Variants in PDE10A observed in about 807,000 individuals in gnomAD.
PDE10A encodes cAMP and cAMP-inhibited cGMP 3',5'-cyclic phosphodiesterase 10A.
In PDE10A, 39 loss-of-function variants were observed where a neutral mutation model predicts 97.7. The ratio of observed to expected loss-of-function variants is 0.40; its 90% CI spans 0.31 to 0.52. The LOEUF is 0.52. Ranked by LOEUF, PDE10A falls within the 20% of genes least tolerant of loss-of-function variation. PDE10A has a pLI of 0.56. For synonymous variants in PDE10A, 371 were observed against 376.8 expected, an observed-to-expected ratio of 0.98 and a Z score of 0.18; for missense variants, 731 against 1,047.8, an observed-to-expected ratio of 0.70 and a Z score of 4.17.
At position 165,450,225 on chromosome 6, in the gene PDE10A, C is replaced by A; in HGVS notation, c.1144+17G>T. The A allele has an allele frequency of 6.6e-7, 1 of 1,517,694 alleles. No homozygotes were observed. Among genetic ancestry groups the A allele is most frequent in the Non-Finnish European group, 8.9e-7 (1 of 1,129,218 alleles). The allele number at this position is 1,517,694 out of a possible 1,614,324, so 94.0% of individuals were successfully genotyped here. A position where few individuals can be genotyped will look rare whatever the true frequency, so the allele number is the denominator to read the frequency against. On this transcript the variant is annotated intron_variant, in intron 4 of 21. Transcript: ENST00000539869. ...CTTTGCCCATTTTTTCTAACAGGAA[C>A]ACAAAATGCTTCTTACCTATTTTAA...
exon 1 of PDE10A, chr6:165,987,669 C>G (rs1332521156): frequency 6.6e-6 from 3 of 456,764 alleles, no homozygotes; most frequent in South Asian, 4.6e-5. Context: ...CCATGGAGAA[C>G]TGCGCAAAGC....
At chr6:165,521,923 A>G (rs139718633) in intron 2 of PDE10A, among the ~76,000 whole-genome samples, 212 of 152,288 alleles carry the variant, frequency 1.4e-3, no homozygotes, top group African/African-American at 4.9e-3. Flanking sequence ...GGATCATATA[A>G]TATTTGTCCA....
chr6:165,887,180 C>T (rs1055326599), intron 1 of PDE10A, among the ~76,000 whole-genome samples: 1 of 152,160 alleles, frequency 6.6e-6, no homozygotes. Context: ...CTTCTTCTCC[C>T]ACCATCAGGG....
At chr6:165,753,663 T>C (rs1793055740) in intron 1 of PDE10A, among the ~76,000 whole-genome samples, 1 of 152,232 alleles carries the variant, frequency 6.6e-6, no homozygotes, top group East Asian at 1.9e-4. Flanking sequence ...TAAATGACTT[T>C]CAATAATTTA....
chr6:165,361,631 A>T (rs1783430953), intron 18 of PDE10A, among the ~76,000 whole-genome samples: 1 of 152,200 alleles, frequency 6.6e-6, no homozygotes, highest in Admixed American at 6.5e-5. Context: ...GATACAAAGA[A>T]GGAAAGACAC....
chr6:165,972,305 G>A (rs1033578648), intron 1 of PDE10A, among the ~76,000 whole-genome samples: 2 of 152,010 alleles, frequency 1.3e-5, no homozygotes, highest in South Asian at 2.1e-4. Flanking sequence ...GGCCACCTGC[G>A]CAGGTGGACG....
intron 1 of PDE10A, among the ~76,000 whole-genome samples, chr6:165,823,815 G>T (rs368111867): frequency 6.6e-6 from 1 of 151,902 alleles, no homozygotes; most frequent in African/African-American, 2.4e-5. Context: ...GAGTTTTCCA[G>T]CTCCATAATC....
chr6:165,927,647 C>CATATATATATATATATATAT (rs71029572), intron 1 of PDE10A, among the ~76,000 whole-genome samples: 207 of 73,146 alleles, frequency 2.8e-3, no homozygotes, highest in South Asian at 5.7e-3. Flanking sequence ...ATGAGAATGA[C>CATATATATATATATATATAT]ATATATATAT....
At chr6:165,770,660 T>G (rs2128459776) in intron 1 of PDE10A, among the ~76,000 whole-genome samples, 1 of 152,224 alleles carries the variant, frequency 6.6e-6, no homozygotes, top group South Asian at 2.1e-4. Context: ...AACGCCTCCC[T>G]CCTCCCGGGA....
At chr6:165,603,468 TAGTGA>T (rs1787063546) in intron 1 of PDE10A, among the ~76,000 whole-genome samples, 1 of 152,254 alleles carries the variant, frequency 6.6e-6, no homozygotes, top group Admixed American at 6.5e-5. Context: ...AAAGGCACTG[TAGTGA>T]AAACATAGGA....
chr6:165,399,975 A>T (rs1383044669), intron 13 of PDE10A, among the ~76,000 whole-genome samples: 2 of 152,206 alleles, frequency 1.3e-5, no homozygotes, highest in Non-Finnish European at 2.9e-5. Context: ...TGGTAGTGGC[A>T]TCAAGGGGCA....
In PDE10A at chr6:165,919,482, G is replaced by A. The variant is rs115989883; in HGVS notation, c.-615+68047C>T. On this transcript the variant is annotated intron_variant, in intron 1 of 19. Transcript: ENST00000366882. ...GCCCAATCTTTCCACTTTCTAGCCT[G>A]GAGTCAGCAAACTTTTTCTGTTAAG... Among the ~76,000 whole-genome samples, 1,168 of 152,314 alleles carry A rather than the reference G, an allele frequency of 7.7e-3. 19 individuals are homozygous for A. The highest frequency in any genetic ancestry group is 0.026 in the African/African-American group (1,078 of 41,560).
At chr6:165,357,263 TA>T (rs1432540720) in intron 18 of PDE10A, among the ~76,000 whole-genome samples, 1 of 152,230 alleles carries the variant, frequency 6.6e-6, no homozygotes, top group East Asian at 1.9e-4. Context: ...GAACATGTTA[TA>T]TTTTGTTATG....
intron 1 of PDE10A, among the ~76,000 whole-genome samples, chr6:165,561,457 T>C (rs1223413570): frequency 6.6e-6 from 1 of 152,164 alleles, no homozygotes; most frequent in African/African-American, 2.4e-5. Context: ...AAGCCTACAG[T>C]TCAATGCAAA....
chr6:165,914,962 A>G (rs1223145409), intron 1 of PDE10A, among the ~76,000 whole-genome samples: 1 of 152,182 alleles, frequency 6.6e-6, no homozygotes, highest in Non-Finnish European at 1.5e-5. Context: ...AATTTAGAAG[A>G]TGGGATGCTA....
intron 3 of PDE10A, among the ~76,000 whole-genome samples, chr6:165,471,421 A>G (rs763137556): frequency 5.9e-5 from 9 of 152,124 alleles, no homozygotes; most frequent in African/African-American, 1.9e-4. Flanking sequence ...TCTCAAATTT[A>G]TATCTCTAAC....
chr6:165,626,805 G>T (rs890176964), intron 1 of PDE10A, among the ~76,000 whole-genome samples: 3 of 152,218 alleles, frequency 2.0e-5, no homozygotes, highest in Admixed American at 6.5e-5. Context: ...GACAGGGACA[G>T]TTAACAAACA....
At chr6:165,483,946 G>C (rs1029594707) in intron 2 of PDE10A, among the ~76,000 whole-genome samples, 2 of 152,086 alleles carry the variant, frequency 1.3e-5, no homozygotes, top group African/African-American at 4.8e-5. Context: ...ATAATTTTTT[G>C]CTTTATGGGC....
At chr6:165,880,252 A>C (rs2128480322) in intron 1 of PDE10A, among the ~76,000 whole-genome samples, 1 of 152,232 alleles carries the variant, frequency 6.6e-6, no homozygotes, top group South Asian at 2.1e-4. Flanking sequence ...GAGTCAGTTA[A>C]CTTTCTACAT....
Sources: allele counts gnomAD v4.1 joint callset (sites outside exome capture counted in the v4.1 genomes callset), GRCh38; gene constraint gnomAD v4.1.1; transcripts MANE v1.5; gene names NCBI Gene and HGNC (gene_info 2026-07-23, HGNC 2026-07-21).